The following CLPB variants were observed in gnomAD, a reference collection of about 807,000 sequenced individuals.
The protein encoded by CLPB is ClpB family mitochondrial disaggregase, also known as mitochondrial disaggregase.
A neutral mutation model predicts 78.4 loss-of-function variants in CLPB; 40 were observed. That is an observed-to-expected ratio of 0.51 (90% CI 0.40 to 0.66). The LOEUF is 0.66. Among genes scored for constraint, CLPB ranks in the 30% least tolerant of loss-of-function variants. CLPB has a pLI of 0.00. For synonymous variants in CLPB, 333 were observed against 348.0 expected (o/e 0.96, Z 0.48); for missense variants, 780 against 886.9 (o/e 0.88, Z 1.53).
chr11:72,360,838 T>C (rs1235983933), intron 4 of CLPB, among the ~76,000 whole-genome samples: 1 of 152,206 alleles, frequency 6.6e-6, no homozygotes, highest in Non-Finnish European at 1.5e-5. Context: ...AGTAGGTAAT[T>C]ATTATTCCCA....
At chr11:72,383,976 A>G (rs1206756328) in intron 3 of CLPB, among the ~76,000 whole-genome samples, 1 of 152,154 alleles carries the variant, frequency 6.6e-6, no homozygotes, top group Non-Finnish European at 1.5e-5. Flanking sequence ...CATCTCTACC[A>G]AAAACAGACA....
chr11:72,402,536 G>A (rs1330948422), intron 3 of CLPB, among the ~76,000 whole-genome samples: 1 of 152,172 alleles, frequency 6.6e-6, no homozygotes, highest in Non-Finnish European at 1.5e-5. Context: ...AGGGAAAGAA[G>A]CCCCCATCTT....
intron 2 of CLPB, among the ~76,000 whole-genome samples, chr11:72,412,800 A>G (rs1017294899): frequency 2.0e-5 from 3 of 152,240 alleles, no homozygotes; most frequent in African/African-American, 7.2e-5. Context: ...GAGGAGCTGA[A>G]TCACAACCTC....
intron 2 of CLPB, among the ~76,000 whole-genome samples, chr11:72,425,784 C>A (rs1285924189): frequency 6.6e-6 from 1 of 152,210 alleles, no homozygotes; most frequent in Non-Finnish European, 1.5e-5. Flanking sequence ...ACCACATATG[C>A]TGCCCTTTTT....
At chr11:72,347,634 T>C (rs1950540574) in intron 5 of CLPB, among the ~76,000 whole-genome samples, 1 of 152,198 alleles carries the variant, frequency 6.6e-6, no homozygotes. Context: ...AAAAACAGGA[T>C]TAAAAATAAA....
chr11:72,334,462 A>G (rs915247482), intron 5 of CLPB, among the ~76,000 whole-genome samples: 37 of 152,208 alleles, frequency 2.4e-4, no homozygotes, highest in Non-Finnish European at 4.4e-5. Context: ...ATCTAATATT[A>G]GTACCCCAGC....
At chr11:72,432,681 C>G (rs779216991) in intron 1 of CLPB, among the ~76,000 whole-genome samples, 14 of 152,310 alleles carry the variant, frequency 9.2e-5, no homozygotes, top group South Asian at 2.1e-4. Flanking sequence ...CCCTTAGTGT[C>G]TATTTCAAAA....
intron 2 of CLPB, chr11:72,408,347 G>A (rs1054317540): frequency 1.1e-5 from 7 of 663,352 alleles, no homozygotes; most frequent in Middle Eastern, 2.8e-4. Context: ...ACAGAATTTC[G>A]TAAGGAGTGG....
chr11:72,395,130 C>T (rs1855367984), intron 3 of CLPB, among the ~76,000 whole-genome samples: 3 of 152,176 alleles, frequency 2.0e-5, no homozygotes, highest in Admixed American at 2.0e-4. Context: ...TCCTCCACAG[C>T]ACTCTATGTG....
At chr11:72,402,859 T>C in intron 3 of CLPB, 107 bp downstream of exon 3, 1 of 832,146 alleles carries the variant, frequency 1.2e-6, no homozygotes, top group East Asian at 2.5e-5. Context: ...TCTATCTTCC[T>C]GCCTCTGGAA....
chr11:72,308,720 CAA>C (rs983979872), intron 7 of CLPB, 116 bp from the exon 8 acceptor site: 7 of 892,366 alleles, frequency 7.8e-6, no homozygotes, highest in Middle Eastern at 2.1e-4. Flanking sequence ...TGCGCCCACT[CAA>C]AGTCCTCACT....
At chr11:72,427,242 A>C (rs954325024) in intron 2 of CLPB, among the ~76,000 whole-genome samples, 1 of 152,092 alleles carries the variant, frequency 6.6e-6, no homozygotes, top group South Asian at 2.1e-4. Context: ...CTTTCCCAAG[A>C]CTCTGGGGCT....
chr11:72,308,626 CA>C (rs761540047), intron 7 of CLPB, 22 bp from the exon 8 acceptor site: 5 of 1,604,106 alleles, frequency 3.1e-6, no homozygotes, highest in Non-Finnish European at 3.4e-6. Flanking sequence ...CACACAAGAT[CA>C]GGGGACAGGG....
chr11:72,372,895 G>A, intron 4 of CLPB: 2 of 1,583,852 alleles, frequency 1.3e-6, no homozygotes, highest in Non-Finnish European at 1.7e-6. Flanking sequence ...TGGGGAGGGG[G>A]AGAAATATTA....
intron 3 of CLPB, among the ~76,000 whole-genome samples, chr11:72,392,085 C>G (rs536495429): frequency 2.6e-5 from 4 of 151,954 alleles, no homozygotes; most frequent in Non-Finnish European, 5.9e-5. Flanking sequence ...GTGTCAAAGA[C>G]GGCTGGCGAG....
chr11:72,324,114 C>T (rs951082396), intron 6 of CLPB, among the ~76,000 whole-genome samples: 2 of 151,980 alleles, frequency 1.3e-5, no homozygotes, highest in African/African-American at 4.8e-5. Flanking sequence ...AATGCCTACC[C>T]TTGGGGGATG....
At chr11:72,343,396 C>A (rs554689205) in intron 5 of CLPB, among the ~76,000 whole-genome samples, 10 of 152,102 alleles carry the variant, frequency 6.6e-5, no homozygotes, top group African/African-American at 2.4e-4. Context: ...TTATAGGCTA[C>A]GGTTCTGGGA....
chr11:72,428,461 C>T (rs1856451271), intron 2 of CLPB, among the ~76,000 whole-genome samples: 2 of 152,210 alleles, frequency 1.3e-5, no homozygotes, highest in African/African-American at 4.8e-5. Context: ...ACAACCTTCC[C>T]TCTTTTCTGA....
At chr11:72,375,247 A>G (rs542668913) in intron 4 of CLPB, among the ~76,000 whole-genome samples, 13 of 152,320 alleles carry the variant, frequency 8.5e-5, no homozygotes, top group African/African-American at 2.9e-4. Context: ...CCACCCTGTC[A>G]GAATGGTCCA....
Sources: gnomAD v4.1 joint callset for allele counts (sites outside exome capture counted in the v4.1 genomes callset) on GRCh38, gnomAD v4.1.1 for gene constraint, MANE v1.5 for transcripts, NCBI Gene and HGNC (gene_info 2026-07-23, HGNC 2026-07-21) for gene names.